RCBTB2: variants seen among roughly 807,000 people sequenced by gnomAD.
RCBTB2 encodes the protein RCC1 and BTB domain containing protein 2.
A neutral mutation model predicts 65.4 loss-of-function variants in RCBTB2; 55 were observed. The observed-to-expected ratio is 0.84, with a 90% CI of 0.68 to 1.05. The LOEUF is 1.05. Ranked by LOEUF, RCBTB2 falls within the 50% of genes least tolerant of loss-of-function variation. RCBTB2 has a pLI of 0.00. For missense variants in RCBTB2, 599 were observed against 680.1 expected (o/e 0.88, Z 1.33); for synonymous variants, 220 against 255.2 (o/e 0.86, Z 1.31).
chr13:48,508,938 G>T (rs1021768435), intron 10 of RCBTB2, among the ~76,000 whole-genome samples: 13 of 152,202 alleles, frequency 8.5e-5, no homozygotes, highest in Admixed American at 7.9e-4. Flanking sequence ...GGGACCAGCA[G>T]TGCAATGCAG....
At chr13:48,504,387 C>A (rs9332039) in intron 10 of RCBTB2, 23 of 945,662 alleles carry the variant, frequency 2.4e-5, no homozygotes, top group African/African-American at 1.1e-4. Context: ...TTTGTCCACA[C>A]ACCCTGTTTC....
chr13:48,510,483 G>T, intron 10 of RCBTB2, 146 bp downstream of exon 10: 1 of 1,014,092 alleles, frequency 9.9e-7, no homozygotes, highest in Non-Finnish European at 1.4e-6. Flanking sequence ...CAATTCCAAA[G>T]CCAATTTTTC....
Position 48,522,295 on chromosome 13 carries a change from A to G in RCBTB2, c.-24+13T>C. ...AGTTGACTTCCTGTGATAAGGAAAA[A>G]TAAATTTTAGACCTTTGTCAACTTT... On this transcript the variant is annotated intron_variant, in intron 3 of 14. Coordinates refer to ENST00000344532, the MANE Select transcript of RCBTB2 (RefSeq NM_001268.4). The G allele has an allele frequency of 6.7e-7, 1 of 1,491,038 alleles. No homozygotes were observed. The highest frequency in any genetic ancestry group is 9.0e-7 in the Non-Finnish European group (1 of 1,106,560). The allele number at this position is 1,491,038 out of a possible 1,614,324, so 92.4% of individuals were successfully genotyped here.
intron 13 of RCBTB2, among the ~76,000 whole-genome samples, chr13:48,498,431 T>TA (rs1950072780): frequency 6.6e-6 from 1 of 152,110 alleles, no homozygotes; most frequent in East Asian, 1.9e-4. Flanking sequence ...GGTGGGCCGA[T>TA]AAAAAACTGC....
intron 1 of RCBTB2, among the ~76,000 whole-genome samples, chr13:48,525,049 A>C (rs990696540): frequency 6.6e-6 from 1 of 152,078 alleles, no homozygotes; most frequent in Non-Finnish European, 1.5e-5. Context: ...TTTAATCTAT[A>C]GTATTTCCAT....
At position 48,501,901 on chromosome 13, in the gene RCBTB2, G is replaced by A. The variant is rs769627131; in HGVS notation, c.1118-33C>T. ...AATAATGCAAATGCTTCCAGAGTTA[G>A]CTACAGACATAATGAACACACAGGA... On this transcript the variant is annotated intron_variant, in intron 11 of 14. Transcript: ENST00000344532. The A allele has an allele frequency of 6.2e-6, 10 of 1,606,164 alleles. No homozygotes were observed. In the Admixed American group the frequency reaches 1.7e-4, roughly 27 times the overall value.
chr13:48,499,595 A>C, intron 13 of RCBTB2, 26 bp downstream of exon 13: 2 of 1,610,714 alleles, frequency 1.2e-6, no homozygotes, highest in Non-Finnish European at 1.7e-6. Context: ...CATTTTGCCA[A>C]GTTTTTGGAA....
intron 4 of RCBTB2, among the ~76,000 whole-genome samples, chr13:48,519,158 T>C (rs1951273919): frequency 6.6e-6 from 1 of 152,112 alleles, no homozygotes; most frequent in Non-Finnish European, 1.5e-5. Context: ...CCACATATCA[T>C]CTGATTGTTG....
chr13:48,518,890 A>T (rs1951256643), intron 4 of RCBTB2, among the ~76,000 whole-genome samples: 1 of 152,152 alleles, frequency 6.6e-6, no homozygotes, highest in African/African-American at 2.4e-5. Context: ...CTTCGTTTTT[A>T]ATTTTTTTCC....
intron 10 of RCBTB2, among the ~76,000 whole-genome samples, chr13:48,508,412 GTTT>G (rs570095675): frequency 4.2e-5 from 6 of 143,716 alleles, no homozygotes; most frequent in Non-Finnish European, 6.1e-5. Context: ...ATTCATCCAT[GTTT>G]TTTTTTTTTT....
intron 14 of RCBTB2, chr13:48,491,642 G>A (rs949951820): frequency 6.6e-6 from 1 of 152,170 alleles, no homozygotes; most frequent in African/African-American, 2.4e-5. Flanking sequence ...AGGAATGGAG[G>A]AATTCATACC....
chr13:48,532,261 C>T (rs2138680922), intron 1 of RCBTB2: 1 of 152,384 alleles, frequency 6.6e-6, no homozygotes, highest in Admixed American at 6.5e-5. Context: ...CAGGGCTGAG[C>T]AGAGCACTAT....
intron 6 of RCBTB2, among the ~76,000 whole-genome samples, chr13:48,514,533 T>G (rs1269877539): frequency 6.6e-6 from 1 of 152,226 alleles, no homozygotes; most frequent in Non-Finnish European, 1.5e-5. Context: ...ACTGAACAAT[T>G]ATTTTGGTTA....
intron 1 of RCBTB2, among the ~76,000 whole-genome samples, chr13:48,526,759 T>C (rs1951758725): frequency 6.6e-6 from 1 of 151,204 alleles, no homozygotes; most frequent in Non-Finnish European, 1.5e-5. Context: ...CTACTAAAAA[T>C]ACAAAAATTA....
At chr13:48,535,874 G>C (rs991066666), upstream of RCBTB2, 2 of 392,238 alleles carry the variant, frequency 5.1e-6, no homozygotes, top group Admixed American at 6.4e-5. Flanking sequence ...CTATCTTCTC[G>C]TTCCCTTAGT....
intron 8 of RCBTB2, 43 bp from the exon 9 acceptor site, chr13:48,511,920 G>T (rs747381728): frequency 1.1e-5 from 18 of 1,610,920 alleles, no homozygotes; most frequent in Admixed American, 1.0e-4. Flanking sequence ...GAGACAAATG[G>T]CCAGCAAGCT....
intron 10 of RCBTB2, among the ~76,000 whole-genome samples, chr13:48,508,693 T>C (rs6561447): frequency 0.011 from 1,695 of 152,328 alleles, 24 homozygotes; most frequent in African/African-American, 0.039. Flanking sequence ...CGTGAGTGCC[T>C]GGCCCATCCA....
At chr13:48,496,805 G>A (rs1245339858) in intron 13 of RCBTB2, among the ~76,000 whole-genome samples, 1 of 126,858 alleles carries the variant, frequency 7.9e-6, no homozygotes, top group East Asian at 2.5e-4. Flanking sequence ...GGAGGGGAGA[G>A]GAGGGGAGGG....
intron 2 of RCBTB2, 119 bp from the exon 3 acceptor site, chr13:48,522,522 T>C (rs1951486686): frequency 3.3e-6 from 2 of 611,876 alleles, no homozygotes; most frequent in Non-Finnish European, 2.9e-6. Flanking sequence ...TATGTAGCAA[T>C]GCACTAAATG....
Sources: allele counts gnomAD v4.1 joint callset (sites outside exome capture counted in the v4.1 genomes callset), GRCh38; gene constraint gnomAD v4.1.1; transcripts MANE v1.5; gene names NCBI Gene and HGNC (gene_info 2026-07-23, HGNC 2026-07-21).